CHN2: variants seen among roughly 807,000 people sequenced by gnomAD.
The protein encoded by CHN2 is beta-chimaerin.
In CHN2, 35 loss-of-function variants were observed where a neutral mutation model predicts 56.3. The ratio of observed to expected loss-of-function variants is 0.62; its 90% confidence interval spans 0.47 to 0.82. The LOEUF is 0.82. Among genes scored for constraint, CHN2 ranks in the 40% least tolerant of loss-of-function variants. CHN2 has a pLI of 0.00. For missense variants in CHN2, 491 were observed against 580.5 expected, an observed-to-expected ratio of 0.85 and a Z score of 1.58; for synonymous variants, 210 against 212.8, an observed-to-expected ratio of 0.99 and a Z score of 0.12.
chr7:29,493,951 C>T (rs1023357588), intron 7 of CHN2, among the ~76,000 whole-genome samples: 6 of 152,190 alleles, frequency 3.9e-5, no homozygotes, highest in African/African-American at 1.4e-4. Flanking sequence ...ATGAATAAAG[C>T]CTTTAAGGCC....
intron 3 of CHN2, among the ~76,000 whole-genome samples, chr7:29,389,099 A>T (rs769770546): frequency 2.0e-5 from 3 of 152,008 alleles, no homozygotes; most frequent in Non-Finnish European, 4.4e-5. Context: ...CATGTTGGGA[A>T]CGTCTCTTCT....
At chr7:29,364,936 AT>A (rs1380812160) in intron 2 of CHN2, among the ~76,000 whole-genome samples, 3 of 152,076 alleles carry the variant, frequency 2.0e-5, no homozygotes, top group Non-Finnish European at 2.9e-5. Context: ...CTGAATATGC[AT>A]TATTATTTTA....
intron 6 of CHN2, among the ~76,000 whole-genome samples, chr7:29,447,448 A>G (rs139879850): frequency 2.4e-3 from 363 of 152,310 alleles, no homozygotes; most frequent in African/African-American, 8.2e-3. Context: ...CTGTGGGACA[A>G]CTTCAGACAG....
chr7:29,206,531 C>T lies in CHN2; in HGVS notation c.49+11541C>T, dbSNP rs1369750409. On this transcript the variant is annotated intron_variant, in intron 1 of 12. Transcript: ENST00000222792. ...TCCTGACCTCGTGATCCACCTGCAT[C>T]GGCCTCCCAGAGTGCTGGGATTACA... Among the ~76,000 whole-genome samples the T allele has an allele frequency of 8.5e-5, 13 of 152,278 alleles. 1 individual carries two copies. The South Asian group carries it at 1.0e-3, about 12-fold the overall frequency.
At chr7:29,195,836 T>G (rs193151435) in intron 1 of CHN2, among the ~76,000 whole-genome samples, 54 of 151,952 alleles carry the variant, frequency 3.6e-4, no homozygotes, top group African/African-American at 8.4e-4. Flanking sequence ...TCTGAAGGAG[T>G]AGGAATCAAT....
chr7:29,214,174 G>A (rs939756237), intron 1 of CHN2, among the ~76,000 whole-genome samples: 1 of 152,104 alleles, frequency 6.6e-6, no homozygotes, highest in East Asian at 1.9e-4. Flanking sequence ...GCTCAAATAT[G>A]GCCTCTTTTT....
intron 7 of CHN2, among the ~76,000 whole-genome samples, chr7:29,481,965 TG>T (rs2128544899): frequency 6.6e-6 from 1 of 152,334 alleles, no homozygotes; most frequent in South Asian, 2.1e-4. Context: ...TATACATAGT[TG>T]ATATTTTCAA....
At chr7:29,269,589 T>G (rs2128844551) in intron 1 of CHN2, among the ~76,000 whole-genome samples, 1 of 152,358 alleles carries the variant, frequency 6.6e-6, no homozygotes, top group East Asian at 1.9e-4. Flanking sequence ...TCCTGGATCA[T>G]ATGGTAGTTC....
intron 1 of CHN2, among the ~76,000 whole-genome samples, chr7:29,334,199 C>T (rs1796444341): frequency 6.6e-6 from 1 of 151,876 alleles, no homozygotes; most frequent in Admixed American, 6.6e-5. Flanking sequence ...TAGAGGCACT[C>T]ACCACCATGC....
chr7:29,184,375 A>G (rs1017801936), intron 2 of CHN2: 1 of 152,052 alleles, frequency 6.6e-6, no homozygotes, highest in African/African-American at 2.4e-5. Flanking sequence ...ATATGACTGT[A>G]TGAGATATAC....
chr7:29,442,637 T>A (rs536817375), intron 6 of CHN2, among the ~76,000 whole-genome samples: 1 of 152,306 alleles, frequency 6.6e-6, no homozygotes, highest in East Asian at 1.9e-4. Flanking sequence ...CAGCCTGACC[T>A]GGTGGATTTC....
intron 1 of CHN2, among the ~76,000 whole-genome samples, chr7:29,264,535 CAT>C (rs1403526356): frequency 6.6e-6 from 1 of 152,216 alleles, no homozygotes; most frequent in Non-Finnish European, 1.5e-5. Context: ...CTCTCTGAAA[CAT>C]GTGCTGTGTC....
intron 8 of CHN2, 120 bp from the exon 9 acceptor site, chr7:29,499,747 T>G (rs913308448): frequency 3.6e-6 from 3 of 832,010 alleles, no homozygotes; most frequent in Non-Finnish European, 5.5e-6. Context: ...ACGGGATAGA[T>G]GTTCCAGAGA....
intron 11 of CHN2, among the ~76,000 whole-genome samples, chr7:29,508,353 A>G (rs1446910711): frequency 6.6e-6 from 1 of 151,758 alleles, no homozygotes; most frequent in Admixed American, 6.6e-5. Context: ...GCTGAGACAC[A>G]TGACACGGAA....
At position 29,393,717 on chromosome 7, in the gene CHN2, A is replaced by G; in HGVS notation, c.176+7A>G. On this transcript the variant is annotated splice_region_variant and intron_variant, in intron 4 of 12. Transcript: ENST00000222792. ...CAAAATATTATGGAAGAGAGTATGT[A>G]TTATACTATTCTTTGTTTTAATAAT... 1 of 842,898 alleles carries G rather than the reference A, an allele frequency of 1.2e-6. No homozygotes were observed. The highest frequency in any genetic ancestry group is 1.8e-6 in the Non-Finnish European group (1 of 569,098). 52.2% of individuals were successfully genotyped at this position (842,898 alleles called of 1,614,324 possible).
intron 2 of CHN2, among the ~76,000 whole-genome samples, chr7:29,189,468 C>T (rs1799132901): frequency 1.3e-5 from 2 of 152,122 alleles, no homozygotes; most frequent in South Asian, 4.1e-4. Flanking sequence ...AAACTCACTC[C>T]CTGCTTTTGC....
chr7:29,454,627 TG>T (rs1784623409), intron 6 of CHN2, among the ~76,000 whole-genome samples: 1 of 152,212 alleles, frequency 6.6e-6, no homozygotes, highest in African/African-American at 2.4e-5. Flanking sequence ...GCAGAATGAC[TG>T]TGATCTTTGC....
At chr7:29,225,313 A>C (rs1327259210) in intron 1 of CHN2, among the ~76,000 whole-genome samples, 5 of 152,220 alleles carry the variant, frequency 3.3e-5, no homozygotes, top group Non-Finnish European at 7.3e-5. Flanking sequence ...TAGCCTGGAA[A>C]GATTTGTTGC....
chr7:29,281,213 G>C (rs935658167), intron 1 of CHN2, among the ~76,000 whole-genome samples: 1 of 152,136 alleles, frequency 6.6e-6, no homozygotes, highest in Non-Finnish European at 1.5e-5. Flanking sequence ...ACCCTTAAAA[G>C]GGTATTTTTT....
Sources: gnomAD v4.1 joint callset for allele counts (sites outside exome capture counted in the v4.1 genomes callset) on GRCh38, gnomAD v4.1.1 for gene constraint, MANE v1.5 for transcripts, NCBI Gene and HGNC (gene_info 2026-07-23, HGNC 2026-07-21) for gene names.